The following ILDR2 variants were observed in gnomAD, a reference collection of about 807,000 sequenced individuals.
ILDR2 encodes the protein immunoglobulin-like domain-containing receptor 2.
A neutral mutation model predicts 66.8 loss-of-function variants in ILDR2; 25 were observed. That is an observed-to-expected ratio of 0.37 (90% CI 0.27 to 0.52). The LOEUF is 0.52. Among genes scored for constraint, ILDR2 ranks in the 20% least tolerant of loss-of-function variants. The pLI, the probability that ILDR2 is intolerant of heterozygous loss-of-function variation, is 0.88. For synonymous variants in ILDR2, 367 were observed against 357.2 expected, an observed-to-expected ratio of 1.03 and a Z score of -0.31; for missense variants, 827 against 876.8, an observed-to-expected ratio of 0.94 and a Z score of 0.72.
At chr1:166,925,125 AG>A (rs914197721) in intron 7 of ILDR2, among the ~76,000 whole-genome samples, 5 of 152,216 alleles carry the variant, frequency 3.3e-5, no homozygotes, top group African/African-American at 1.2e-4. Context: ...ACCATTTAGA[AG>A]GGCAAAGCAA....
chr1:166,921,296 G>T lies in ILDR2; in HGVS notation c.1295C>A (p.Ala432Asp). 6.3e-7 allele frequency: 1 copy of T among 1,595,984 alleles called. No individual in the cohort carries two copies. Residue 432 changes from alanine to aspartate, a missense_variant, in exon 9 of 10, where the codon GCC becomes GAC. Ala to Asp is a moderately radical substitution (Grantham distance 126). Around this residue, in one of 2 missense-constraint regions of ILDR2, gnomAD observed 390 missense variants for 353.6 expected, o/e 1.10. Transcript: ENST00000271417. This position sits in a 1 kb window ranked among gnomAD's most constrained non-coding sequence, Gnocchi z 5.3. ...VPAVSMDELA[A>D]FADSYGQRPR... ...CCGCTGGCCGTAGGAGTCAGCGAAG[G>T]CCGCCAGCTCGTCCATGGAAACGGC...
chr1:166,909,781 T>TATATATATATATATATATA lies in ILDR2; in HGVS notation c.*9573_*9574insTATATATATATATATATAT, dbSNP rs1557921377. On this transcript the variant is annotated 3_prime_UTR_variant, in exon 10 of 10. Transcript: ENST00000271417. ...TATAAATATATATAAATATATATAT[T>TATATATATATATATATATA]TATATATATATATATATATATATAT... 1.6e-5 allele frequency: 1 copy of TATATATATATATATATATA among 64,240 alleles called. No homozygotes were observed. Among genetic ancestry groups the TATATATATATATATATATA allele is most frequent in the Non-Finnish European group, 2.9e-5 (1 of 34,824 alleles). 4.0% of individuals were successfully genotyped at this position (64,240 alleles called of 1,614,324 possible).
chr1:166,919,944 T>C (rs771517518), intron 9 of ILDR2, among the ~76,000 whole-genome samples: 1 of 152,090 alleles, frequency 6.6e-6, no homozygotes, highest in Non-Finnish European at 1.5e-5. Context: ...CTCCAAAGCA[T>C]GGGGGTCAGA....
chr1:166,975,014 C>T lies in ILDR2; in HGVS notation c.46+209G>A, dbSNP rs565336340. On this transcript the variant is annotated intron_variant, in intron 1 of 9. Coordinates refer to ENST00000271417, the MANE Select transcript of ILDR2 (RefSeq NM_199351.3). ...CATTGGGCTTCTCCCCCGCCGCCCC[C>T]ATCATTCTCTCTCTCTCTCTCTCAC... Among the ~76,000 whole-genome samples, 3 of 133,966 alleles carry T rather than the reference C, an allele frequency of 2.2e-5. No homozygotes were observed. The East Asian group carries it at 6.8e-4, about 31-fold the overall frequency. 87.9% of individuals were successfully genotyped at this position (133,966 alleles called of 152,430 possible).
At chr1:166,930,963 G>A (rs548728101) in intron 6 of ILDR2, among the ~76,000 whole-genome samples, 1 of 152,276 alleles carries the variant, frequency 6.6e-6, no homozygotes, top group Non-Finnish European at 1.5e-5. Flanking sequence ...TTTGGAAAAT[G>A]ACCTTTTTCC....
chr1:166,904,837 C>G (rs754609108), downstream of ILDR2, among the ~76,000 whole-genome samples: 1 of 152,106 alleles, frequency 6.6e-6, no homozygotes, highest in East Asian at 1.9e-4. Context: ...GCCCAGACGC[C>G]GTTCTCTGGA....
downstream of ILDR2, among the ~76,000 whole-genome samples, chr1:166,906,823 C>A (rs1219300423): frequency 6.6e-6 from 1 of 152,168 alleles, no homozygotes; most frequent in Admixed American, 6.5e-5. Context: ...TATGACGTGG[C>A]TGTATGTGAG....
chr1:166,927,138 G>A lies in ILDR2; in HGVS notation c.923C>T (p.Ser308Phe). 1 of 1,613,814 alleles carries A rather than the reference G, an allele frequency of 6.2e-7. No individual in the cohort carries two copies. Residue 308 changes from serine to phenylalanine, a missense_variant, in exon 7 of 10, where the codon TCC (serine) becomes TTC (phenylalanine). Physicochemically the swap from Ser to Phe is radical, Grantham distance 155 (BLOSUM62 -2). Coordinates refer to ENST00000271417, the MANE Select transcript of ILDR2 (RefSeq NM_199351.3). ...CTCAACATAGTACAGGACCTTCATG[G>A]AGTCTCTCTCTTTGTCAGCCTGGAT... ...YRIQADKERDSMKVLYYVEKE... is the reference protein window; with the variant it reads ...YRIQADKERDFMKVLYYVEKE...
At position 166,973,612 on chromosome 1, in the gene ILDR2, T is replaced by TCCCCCCCCCCCCCCCCCCCC. The variant is rs59745587; in HGVS notation, c.46+1610_46+1611insGGGGGGGGGGGGGGGGGGGG. 3.1e-5 allele frequency among the ~76,000 whole-genome samples: 2 copies of TCCCCCCCCCCCCCCCCCCCC among 64,958 alleles called. 1 individual carries two copies. Among genetic ancestry groups the TCCCCCCCCCCCCCCCCCCCC allele is most frequent in the Non-Finnish European group, 5.9e-5 (2 of 33,728 alleles). The allele number at this position is 64,958 out of a possible 152,430, so 42.6% of individuals were successfully genotyped here. ...AGAGCACCTCTGACTCAGGGACCCCTCCCCCCCCCCCCCGATGCCTGGCTG... is the reference window on the plus strand; with the variant it reads ...AGAGCACCTCTGACTCAGGGACCCCTCCCCCCCCCCCCCCCCCCCCCCCCCCCCCCCCCGATGCCTGGCTG... On this transcript the variant is annotated intron_variant, in intron 1 of 9. Coordinates refer to ENST00000271417, the MANE Select transcript of ILDR2 (RefSeq NM_199351.3).
chr1:166,973,607 A>ACCC lies in ILDR2; in HGVS notation c.46+1613_46+1615dup, dbSNP rs1408932791. Among the ~76,000 whole-genome samples, 88 of 45,672 alleles carry ACCC rather than the reference A, an allele frequency of 1.9e-3. 1 individual carries two copies. Among genetic ancestry groups the ACCC allele is most frequent in the Non-Finnish European group, 2.1e-3 (51 of 24,162 alleles). 30.0% of individuals were successfully genotyped at this position (45,672 alleles called of 152,430 possible). A position where few individuals can be genotyped will look rare whatever the true frequency, so the allele number is the denominator to read the frequency against. ...TGTAAAGAGCACCTCTGACTCAGGG[A>ACCC]CCCCTCCCCCCCCCCCCCGATGCCT... On this transcript the variant is annotated intron_variant, in intron 1 of 9. Transcript: ENST00000271417.
At chr1:166,922,403 GT>G (rs1371875685) in intron 8 of ILDR2, among the ~76,000 whole-genome samples, 189 bp downstream of exon 8, 1 of 152,184 alleles carries the variant, frequency 6.6e-6, no homozygotes, top group Non-Finnish European at 1.5e-5. Context: ...TTCTACACAT[GT>G]TGTCACAAGT....
intron 3 of ILDR2, among the ~76,000 whole-genome samples, chr1:166,940,396 A>T (rs1441741058): frequency 6.6e-6 from 1 of 152,212 alleles, no homozygotes; most frequent in African/African-American, 2.4e-5. Context: ...TCATGTTCTC[A>T]TATCAAGGTG....
chr1:166,929,199 C>G (rs1194906086), intron 6 of ILDR2, among the ~76,000 whole-genome samples: 1 of 152,176 alleles, frequency 6.6e-6, no homozygotes, highest in African/African-American at 2.4e-5. Flanking sequence ...ACTTGCCAAC[C>G]TTTAAATAAT....
rs1234730000 is a variant in ILDR2, at chr1:166,915,255, G to A, written c.*4100C>T. 1 of 152,170 alleles carries A rather than the reference G, an allele frequency of 6.6e-6. No individual in the cohort carries two copies. The highest frequency in any genetic ancestry group is 2.4e-5 in the African/African-American group (1 of 41,422). 9.4% of individuals were successfully genotyped at this position (152,170 alleles called of 1,614,324 possible). A position where few individuals can be genotyped will look rare whatever the true frequency, so the allele number is the denominator to read the frequency against. On this transcript the variant is annotated 3_prime_UTR_variant, in exon 10 of 10. Coordinates refer to ENST00000271417, the MANE Select transcript of ILDR2 (RefSeq NM_199351.3). Reference sequence around the variant, plus strand: ...CCATCCAGGTCACAGCCAGACTTCTGAGTGACTCACCACAGCCAGCCCCAA... The same window carrying A: ...CCATCCAGGTCACAGCCAGACTTCTAAGTGACTCACCACAGCCAGCCCCAA...
intron 6 of ILDR2, among the ~76,000 whole-genome samples, chr1:166,930,092 G>C (rs972942381): frequency 1.3e-5 from 2 of 152,168 alleles, no homozygotes; most frequent in Admixed American, 1.3e-4. Context: ...GCTGTGCCCT[G>C]GCAGACAGAC....
intron 9 of ILDR2, 70 bp from the exon 10 acceptor site, chr1:166,919,460 G>A (rs1419719577): frequency 9.6e-6 from 14 of 1,455,872 alleles, no homozygotes; most frequent in Non-Finnish European, 1.2e-5. Flanking sequence ...ATAACAGATG[G>A]TTCTCTGGGC....
chr1:166,967,583 C>G (rs923737308), intron 1 of ILDR2, among the ~76,000 whole-genome samples: 1 of 152,220 alleles, frequency 6.6e-6, no homozygotes, highest in African/African-American at 2.4e-5. Flanking sequence ...ATGGCGAAAC[C>G]CTGTCTCTAC....
intron 3 of ILDR2, among the ~76,000 whole-genome samples, chr1:166,949,429 T>C (rs1258770088): frequency 1.3e-5 from 2 of 152,282 alleles, no homozygotes; most frequent in African/African-American, 4.8e-5. Flanking sequence ...CAAGACACTG[T>C]CATTTCTTTA....
At chr1:166,935,940 G>C (rs1660947888) in intron 5 of ILDR2, among the ~76,000 whole-genome samples, 1 of 152,230 alleles carries the variant, frequency 6.6e-6, no homozygotes, top group South Asian at 2.1e-4. Context: ...CAAAAGCAGA[G>C]CAAATAACCT....
Sources: allele counts gnomAD v4.1 joint callset (sites outside exome capture counted in the v4.1 genomes callset), GRCh38; gene constraint gnomAD v4.1.1; regional missense constraint gnomAD v4.1.1; non-coding constraint Gnocchi (gnomAD v3.1); transcripts MANE v1.5; gene names NCBI Gene and HGNC (gene_info 2026-07-23, HGNC 2026-07-21).